OCEL1: variants seen among roughly 807,000 people sequenced by gnomAD.
OCEL1 encodes the protein occludin/ELL domain containing 1.
In OCEL1, 24 loss-of-function variants were observed where a neutral mutation model predicts 29.4. The observed-to-expected ratio is 0.82, with a 90% CI of 0.59 to 1.15. The LOEUF is 1.15. OCEL1 is among the 50% of genes most tolerant of loss of function. The probability of loss-of-function intolerance (pLI) is 0.00; values close to 1 mark genes in which losing one functional copy is unlikely to be tolerated. For missense variants in OCEL1, 402 were observed against 352.5 expected (o/e 1.14, Z -1.13); for synonymous variants, 172 against 145.3 (o/e 1.18, Z -1.32).
At position 17,226,307 on chromosome 19, in the gene OCEL1, G is replaced by T; in HGVS notation, c.60G>T (p.Thr20=). 6.2e-7 allele frequency: 1 copy of T among 1,611,906 alleles called. No individual in the cohort carries two copies. Among genetic ancestry groups the T allele is most frequent in the Non-Finnish European group, 8.5e-7 (1 of 1,179,474 alleles). Residue 20 remains threonine, a synonymous_variant, in exon 1 of 6, where the codon ACG becomes ACT. Transcript: ENST00000215061. Reference sequence around the variant, plus strand: ...CAGATCCAGGCTCGGAGCTCCAGACGCTGGGACAGGTGACCCGGGGCGGTA... The same window carrying T: ...CAGATCCAGGCTCGGAGCTCCAGACTCTGGGACAGGTGACCCGGGGCGGTA... ...PTADPGSELQ[T]LGQAARRPPP...
intron 5 of OCEL1, 131 bp from the exon 6 acceptor site, chr19:17,228,672 C>T: frequency 7.6e-7 from 1 of 1,313,134 alleles, no homozygotes; most frequent in East Asian, 2.5e-5. Context: ...CCTTGCCCGG[C>T]TCACCCGGTC....
At chr19:17,227,391 A>AAAAT (rs765812239) in intron 3 of OCEL1, among the ~76,000 whole-genome samples, 192 bp downstream of exon 3, 1 of 152,288 alleles carries the variant, frequency 6.6e-6, no homozygotes, top group South Asian at 2.1e-4. Flanking sequence ...CCCGTCTCCG[A>AAAAT]AAATAAATAA....
rs1484715265 is a variant in OCEL1 at position 17,226,874 on chromosome 19, G to T, written c.246+5G>T. 1 of 1,520,024 alleles carries T rather than the reference G, an allele frequency of 6.6e-7. No individual in the cohort carries two copies. Among genetic ancestry groups the T allele is most frequent in the East Asian group, 2.4e-5 (1 of 42,382 alleles). The allele number at this position is 1,520,024 out of a possible 1,614,324, so 94.2% of individuals were successfully genotyped here. ...CCGCCTGGGCCTGGGCCCCCGGTGA[G>T]CCTGACCGGGAGGGGGTCCCCAGGC... On this transcript the variant is annotated splice_donor_5th_base_variant and intron_variant, in intron 2 of 5. Transcript: ENST00000215061.
rs747485063 is a variant in OCEL1 at position 17,228,494 on chromosome 19, T to A, written c.672+185T>A. 7.6e-6 allele frequency: 5 copies of A among 659,834 alleles called. No individual in the cohort carries two copies. In the South Asian group the frequency reaches 1.0e-4, roughly 13 times the overall value. The allele number at this position is 659,834 out of a possible 1,614,324, so 40.9% of individuals were successfully genotyped here. On this transcript the variant is annotated intron_variant, in intron 5 of 5. Transcript: ENST00000215061. ...TCAGCGTCCCGGGTTCAAGCGGTTCTCCTGCCTCAGCTGGGATCACAGGCG... is the reference window on the plus strand; with the variant it reads ...TCAGCGTCCCGGGTTCAAGCGGTTCACCTGCCTCAGCTGGGATCACAGGCG...
chr19:17,227,517 C>T (rs972497105), intron 3 of OCEL1, among the ~76,000 whole-genome samples: 1 of 152,120 alleles, frequency 6.6e-6, no homozygotes, highest in Non-Finnish European at 1.5e-5. Context: ...ATTGTGAAAC[C>T]CCGTCTCTAC....
chr19:17,227,010 C>T lies in OCEL1; in HGVS notation c.263C>T (p.Pro88Leu). ...CTGTGGCAGCTGCAGGGACTGGCGC[C>T]CCGAGGCCTCAAAACCAGCGCCCCC... ...GPGPPLQGLAPRGLKTSAPRP... is the reference protein window; with the variant it reads ...GPGPPLQGLALRGLKTSAPRP... The change falls in exon 3 of 6, where the codon CCC (proline) becomes CTC (leucine). Residue 88 changes from proline (P) to leucine (L), a missense_variant. Physicochemically the swap from Pro to Leu is moderately conservative, Grantham distance 98. Coordinates refer to ENST00000215061, the MANE Select transcript of OCEL1 (RefSeq NM_024578.3). The T allele has an allele frequency of 1.3e-6, 2 of 1,588,572 alleles. No individual in the cohort carries two copies. The highest frequency in any genetic ancestry group is 1.7e-6 in the Non-Finnish European group (2 of 1,172,206).
chr19:17,228,049 G>A, intron 4 of OCEL1, 44 bp downstream of exon 4: 1 of 1,601,454 alleles, frequency 6.2e-7, no homozygotes, highest in South Asian at 1.1e-5. Flanking sequence ...CCTTCTGAGT[G>A]GCCCGACCCA....
intron 5 of OCEL1, 148 bp from the exon 6 acceptor site, chr19:17,228,654 AT>A (rs1568313927): frequency 2.8e-6 from 3 of 1,087,474 alleles, no homozygotes; most frequent in East Asian, 5.4e-5. Context: ...GATTACAGGC[AT>A]GAGCCACCTT....
Position 17,226,722 on chromosome 19 carries a change from G to A in OCEL1, c.99G>A (p.Ala33=), listed in dbSNP as rs750281891. ...CCCGCAGACCACCCCCGCCGCGCGC[G>A]GGACACGACGCCCCCCGCAGGACCC... is the stretch of plus-strand genomic sequence containing the variant. ...QAARRPPPPR[A]GHDAPRRTRP... is the part of the protein sequence containing the mutation. Residue 33 remains alanine, a synonymous_variant, in exon 2 of 6, where the codon GCG becomes GCA. Coordinates refer to ENST00000215061, the MANE Select transcript of OCEL1 (RefSeq NM_024578.3). 24 of 1,523,090 alleles carry A rather than the reference G, an allele frequency of 1.6e-5. No individual in the cohort carries two copies. Among genetic ancestry groups the A allele is most frequent in the Non-Finnish European group, 2.0e-5 (23 of 1,143,558 alleles). The allele number at this position is 1,523,090 out of a possible 1,614,324, so 94.3% of individuals were successfully genotyped here.
In OCEL1 at chr19:17,227,011, C is replaced by T. The variant is rs1317562563; in HGVS notation, c.264C>T (p.Pro88=). ...GPGPPLQGLA[P]RGLKTSAPRP... ...TGTGGCAGCTGCAGGGACTGGCGCC[C>T]CGAGGCCTCAAAACCAGCGCCCCCC... The change falls in exon 3 of 6, where the codon CCC becomes CCT. Residue 88 remains proline, a synonymous_variant. Coordinates refer to ENST00000215061, the MANE Select transcript of OCEL1 (RefSeq NM_024578.3). 6.3e-7 allele frequency: 1 copy of T among 1,588,706 alleles called. No homozygotes were observed. Among genetic ancestry groups the T allele is most frequent in the Non-Finnish European group, 8.5e-7 (1 of 1,172,234 alleles).
Position 17,226,821 on chromosome 19 carries a change from C to G in OCEL1, c.198C>G (p.Arg66=). The G allele has an allele frequency of 2.5e-6, 4 of 1,585,334 alleles. No individual in the cohort carries two copies. The highest frequency in any genetic ancestry group is 3.4e-6 in the Non-Finnish European group (4 of 1,170,124). The change falls in exon 2 of 6, where the codon CGC becomes CGG. Residue 66 remains arginine (R), a synonymous_variant. Transcript: ENST00000215061. ...PMPTREPPKT[R]GSRGHLHTHP... ...CCACCCGGGAGCCCCCAAAGACTCG[C>G]GGCTCCCGGGGGCACCTGCATACTC...
chr19:17,226,801 CG>C lies in OCEL1; in HGVS notation c.181del (p.Glu61SerfsTer96). On this transcript the variant is annotated frameshift_variant, in exon 2 of 6. Transcript: ENST00000215061. LOFTEE classifies it high-confidence loss of function. ...SCFSRRPMPTREPPKTRGSRG... is the reference protein window; with the variant it reads ...SCFSRRPMPTXEPPKTRGSRG... Reference sequence around the variant, plus strand: ...CTTCTCCCGGAGGCCGATGCCCACCCGGGAGCCCCCAAAGACTCGCGGCTCC... The same window carrying C: ...CTTCTCCCGGAGGCCGATGCCCACCCGGAGCCCCCAAAGACTCGCGGCTCC... The C allele has an allele frequency of 6.3e-7, 1 of 1,594,588 alleles. No individual in the cohort carries two copies. Among genetic ancestry groups the C allele is most frequent in the African/African-American group, 1.4e-5 (1 of 73,908 alleles).
At position 17,226,768 on chromosome 19, in the gene OCEL1, C is replaced by G. The variant is rs373084693; in HGVS notation, c.145C>G (p.Leu49Val). The G allele has an allele frequency of 5.6e-6, 9 of 1,593,702 alleles. No individual in the cohort carries two copies. In the Admixed American group the frequency reaches 1.0e-4, roughly 18 times the overall value. ...GACCCGCCCATCAGCCCGGAAACCC[C>G]TGAGCTGCTTCTCCCGGAGGCCGAT... ...RRTRPSARKP[L>V]SCFSRRPMPT... The change falls in exon 2 of 6, where the codon CTG becomes GTG. Residue 49 changes from leucine (L) to valine (V), a missense_variant. Coordinates refer to ENST00000215061, the MANE Select transcript of OCEL1 (RefSeq NM_024578.3).
rs1229247288 is a variant in OCEL1 at position 17,227,163 on chromosome 19, A to G, written c.416A>G (p.His139Arg). ...KKPIGAIPKG[H>R]KPRPHPVPDY... is the part of the protein sequence containing the mutation. ...CCTATTGGAGCCATCCCTAAGGGGCATAAGCCTAGGCCCCACCCAGTGCCC... is the reference window on the plus strand; with the variant it reads ...CCTATTGGAGCCATCCCTAAGGGGCGTAAGCCTAGGCCCCACCCAGTGCCC... The change falls in exon 3 of 6, where the codon CAT becomes CGT. Residue 139 changes from histidine to arginine, a missense_variant. Coordinates refer to ENST00000215061, the MANE Select transcript of OCEL1 (RefSeq NM_024578.3). The G allele has an allele frequency of 6.4e-7, 1 of 1,568,966 alleles. No individual in the cohort carries two copies.
At chr19:17,227,294 AGAAAG>A in intron 3 of OCEL1, 95 bp downstream of exon 3, 2 of 1,172,724 alleles carry the variant, frequency 1.7e-6, no homozygotes, top group South Asian at 2.2e-5. Flanking sequence ...ACCAAAGAGT[AGAAAG>A]GAAAGGATCC....
rs1393393628 is a variant in OCEL1 at position 17,226,718 on chromosome 19, G to T, written c.95G>T (p.Arg32Leu). ...GCCGCCCGCAGACCACCCCCGCCGC[G>T]CGCGGGACACGACGCCCCCCGCAGG... ...GQAARRPPPP[R>L]AGHDAPRRTR... The change falls in exon 2 of 6, where the codon CGC (arginine) becomes CTC (leucine). Residue 32 changes from arginine (R) to leucine (L), a missense_variant. Arg to Leu is a moderately radical substitution (Grantham distance 102). Coordinates refer to ENST00000215061, the MANE Select transcript of OCEL1 (RefSeq NM_024578.3). 2 of 1,516,494 alleles carry T rather than the reference G, an allele frequency of 1.3e-6. No individual in the cohort carries two copies. The highest frequency in any genetic ancestry group is 8.8e-7 in the Non-Finnish European group (1 of 1,140,904). 93.9% of individuals were successfully genotyped at this position (1,516,494 alleles called of 1,614,324 possible).
rs2073360892 is a variant in OCEL1, at chr19:17,226,518, T to C, written c.70-175T>C. 3 of 901,080 alleles carry C rather than the reference T, an allele frequency of 3.3e-6. No individual in the cohort carries two copies. In the South Asian group the frequency reaches 5.3e-5, roughly 16 times the overall value. The allele number at this position is 901,080 out of a possible 1,614,324, so 55.8% of individuals were successfully genotyped here. ...AGCGCTTATTTGGGTTGCGCAGTCG[T>C]GGGCGGGGTCTGGACGTCGCTGCGG... On this transcript the variant is annotated intron_variant, in intron 1 of 5. Transcript: ENST00000215061.
At chr19:17,226,634 C>A (rs946291178) in intron 1 of OCEL1, 59 bp from the exon 2 acceptor site, 19 of 1,409,776 alleles carry the variant, frequency 1.3e-5, no homozygotes, top group Non-Finnish European at 1.7e-5. Context: ...CCGAGCTGCC[C>A]GCGCGTCCTT....
rs142312573 is a variant in OCEL1 at position 17,227,849 on chromosome 19, G to A, written c.462G>A (p.Pro154=). The A allele has an allele frequency of 1.3e-4, 202 of 1,613,732 alleles. No individual in the cohort carries two copies. The highest frequency in any genetic ancestry group is 1.6e-4 in the Non-Finnish European group (191 of 1,179,978). The change falls in exon 4 of 6, where the codon CCG becomes CCA. Residue 154 remains proline, a synonymous_variant. Transcript: ENST00000215061. ...CTCTTCAACCTGGTAGTAAGTACCC[G>A]CCAGTGAGCAGTGAGAGGGAACGGA... ...HPVPDYELKY[P]PVSSERERSR... is the part of the protein sequence containing the mutation.
Sources: allele counts gnomAD v4.1 joint callset (sites outside exome capture counted in the v4.1 genomes callset), GRCh38; gene constraint gnomAD v4.1.1; transcripts MANE v1.5; gene names NCBI Gene and HGNC (gene_info 2026-07-23, HGNC 2026-07-21).